Variants in RYR2 observed in about 807,000 individuals in gnomAD.
RYR2 encodes the protein cardiac muscle ryanodine receptor-calcium release channel.
RYR2 carries 227 observed loss-of-function variants against 601.1 expected under a neutral mutation model. That is an observed-to-expected ratio of 0.38 (90% CI 0.34 to 0.42). The LOEUF (loss-of-function observed/expected upper bound fraction) is 0.42. RYR2 is among the 10% of genes least tolerant of loss of function. The pLI is 1.00. For missense variants in RYR2, 4,646 were observed against 6,156.5 expected, an observed-to-expected ratio of 0.75 and a Z score of 8.21; for synonymous variants, 2,223 against 2,175.1, an observed-to-expected ratio of 1.02 and a Z score of -0.61.
chr1:237,819,053 G>A lies in RYR2; in HGVS notation c.14451G>A (p.Met4817Ile). The A allele has an allele frequency of 6.2e-7, 1 of 1,613,800 alleles. No homozygotes were observed. The highest frequency in any genetic ancestry group is 8.5e-7 in the Non-Finnish European group (1 of 1,179,768). Residue 4817 changes from methionine (M) to isoleucine (I), a missense_variant, in exon 101 of 105, where the codon ATG (methionine) becomes ATA (isoleucine). Around this residue, in one of 17 missense-constraint regions of RYR2, gnomAD observed 55 missense variants for 204.7 expected, o/e 0.27. Coordinates refer to ENST00000366574, the MANE Select transcript of RYR2 (RefSeq NM_001035.3). The surrounding 1 kb of genome is among the most constrained non-coding windows in gnomAD (Gnocchi z 4.0). Reference protein sequence around the residue: ...DDMLTCYMFHMYVGVRAGGGI... With the variant: ...DDMLTCYMFHIYVGVRAGGGI... The stretch of plus-strand genomic sequence containing the variant: ...TTTTCCAGTGCTATATGTTCCACAT[G>A]TATGTTGGAGTTCGTGCTGGAGGAG...
chr1:237,208,976 A>ATGTATG lies in RYR2; in HGVS notation c.49-61520_49-61519insGTATGT, dbSNP rs1558428313. Among the ~76,000 whole-genome samples, 20 of 95,434 alleles carry ATGTATG rather than the reference A, an allele frequency of 2.1e-4. 1 individual carries two copies. Among genetic ancestry groups the ATGTATG allele is most frequent in the African/African-American group, 7.1e-4 (18 of 25,336 alleles). 62.6% of individuals were successfully genotyped at this position (95,434 alleles called of 152,430 possible). A position where few individuals can be genotyped will look rare whatever the true frequency, so the allele number is the denominator to read the frequency against. ...TATATATATATATATATATATATAT[A>ATGTATG]TATATATATGTATACTGTAATTGAA... On this transcript the variant is annotated intron_variant, in intron 1 of 104. Coordinates refer to ENST00000366574, the MANE Select transcript of RYR2 (RefSeq NM_001035.3).
Position 237,832,909 on chromosome 1 carries a change from T to C in RYR2, c.*262T>C. The stretch of plus-strand genomic sequence containing the variant: ...CTGGAAAGAAAACCATTCTGGACAC[T>C]GTCATAACACACATAGATAGATTTT... On this transcript the variant is annotated 3_prime_UTR_variant, in exon 105 of 105. Transcript: ENST00000366574. 1 of 328,930 alleles carries C rather than the reference T, an allele frequency of 3.0e-6. No individual in the cohort carries two copies. The highest frequency in any genetic ancestry group is 5.5e-5 in the East Asian group (1 of 18,190). 20.4% of individuals were successfully genotyped at this position (328,930 alleles called of 1,614,324 possible).
chr1:237,539,956 T>A (rs2257106), intron 25 of RYR2, among the ~76,000 whole-genome samples: 1 of 151,974 alleles, frequency 6.6e-6, no homozygotes, highest in Non-Finnish European at 1.5e-5. Flanking sequence ...ATAATAGACA[T>A]AATTTAATGG....
chr1:237,701,766 G>A (rs1226895579), intron 65 of RYR2, among the ~76,000 whole-genome samples: 4 of 151,886 alleles, frequency 2.6e-5, no homozygotes, highest in African/African-American at 9.7e-5. Context: ...TTATAAGTGA[G>A]GACATGTGAT....
intron 1 of RYR2, among the ~76,000 whole-genome samples, chr1:237,220,904 C>G (rs1402178470): frequency 6.6e-6 from 1 of 152,108 alleles, no homozygotes; most frequent in Non-Finnish European, 1.5e-5. Context: ...GCCTGGCCAA[C>G]ATGGTGAAAC....
At chr1:237,679,654 C>T (rs1044678746) in intron 61 of RYR2, among the ~76,000 whole-genome samples, 1 of 152,092 alleles carries the variant, frequency 6.6e-6, no homozygotes, top group African/African-American at 2.4e-5. Context: ...CTCATAGGCT[C>T]CTGGAAAGAG....
rs114567227 is a variant in RYR2 at position 237,070,214 on chromosome 1, T to C, written c.48+27645T>C. The stretch of plus-strand genomic sequence containing the variant: ...CCTGGACTGTGTTTAACTTTTTACC[T>C]TTCTATTTTTTATGATTTTTTCTTG... On this transcript the variant is annotated intron_variant, in intron 1 of 104. Transcript: ENST00000366574. Among the ~76,000 whole-genome samples the C allele has an allele frequency of 6.5e-3, 986 of 152,016 alleles. 6 individuals carry two copies. The highest frequency in any genetic ancestry group is 0.023 in the African/African-American group (937 of 41,466).
rs114378732 is a variant in RYR2 at position 237,218,759 on chromosome 1, C to T, written c.49-51738C>T. Reference sequence around the variant, plus strand: ...TTTTCACCTCTGGTTTAGGGTTGGGCTCCCCTCATACAGTCAAGGTCCAGT... The same window carrying T: ...TTTTCACCTCTGGTTTAGGGTTGGGTTCCCCTCATACAGTCAAGGTCCAGT... On this transcript the variant is annotated intron_variant, in intron 1 of 104. Coordinates refer to ENST00000366574, the MANE Select transcript of RYR2 (RefSeq NM_001035.3). Among the ~76,000 whole-genome samples the T allele has an allele frequency of 4.0e-3, 613 of 152,188 alleles. 3 individuals carry two copies. The highest frequency in any genetic ancestry group is 0.014 in the African/African-American group (573 of 41,526).
At chr1:237,302,510 A>G (rs1265253877) in intron 2 of RYR2, among the ~76,000 whole-genome samples, 1 of 152,206 alleles carries the variant, frequency 6.6e-6, no homozygotes, top group Non-Finnish European at 1.5e-5. Flanking sequence ...TTCCTAGAAT[A>G]GGTTAGTTGT....
At chr1:237,243,570 G>A (rs1344592760) in intron 1 of RYR2, among the ~76,000 whole-genome samples, 3 of 152,120 alleles carry the variant, frequency 2.0e-5, no homozygotes, top group Non-Finnish European at 2.9e-5. Context: ...CTCAAACCAG[G>A]ACTCTTGGGT....
intron 51 of RYR2, among the ~76,000 whole-genome samples, chr1:237,653,339 TA>T (rs1358189371): frequency 1.3e-5 from 2 of 152,192 alleles, no homozygotes; most frequent in African/African-American, 4.8e-5. Flanking sequence ...ATAGTTCCTT[TA>T]TTGTGCTTCT....
At position 237,696,566 on chromosome 1, in the gene RYR2, C is replaced by G. The variant is rs909154040; in HGVS notation, c.9068-2399C>G. On this transcript the variant is annotated intron_variant, in intron 63 of 104. Transcript: ENST00000366574. ...TTTTTTTTTTTTTTCAATCAATTGC[C>G]TATTCTACATCTTTACCCGAATTAC... 6.1e-5 allele frequency among the ~76,000 whole-genome samples: 9 copies of G among 148,102 alleles called. 1 individual carries two copies. In the East Asian group the frequency reaches 1.8e-3, roughly 29 times the overall value.
chr1:237,590,704 G>C lies in RYR2; in HGVS notation c.3872G>C (p.Gly1291Ala). ...PCLKVTQKSFGSQNSNTDIMF... is the reference protein window; with the variant it reads ...PCLKVTQKSFASQNSNTDIMF... ...TTAAAGGTCACTCAGAAGTCTTTTG[G>C]TTCTCAGAACAGCAACACTGATATC... Residue 1291 changes from glycine to alanine, a missense_variant, in exon 31 of 105, where the codon GGT (glycine) becomes GCT (alanine). Transcript: ENST00000366574. 1 of 1,598,688 alleles carries C rather than the reference G, an allele frequency of 6.3e-7. No individual in the cohort carries two copies. Among genetic ancestry groups the C allele is most frequent in the Non-Finnish European group, 8.5e-7 (1 of 1,170,332 alleles).
At chr1:237,148,520 AAAAAAAAAT>A (rs1236693362) in intron 1 of RYR2, among the ~76,000 whole-genome samples, 2 of 40,932 alleles carry the variant, frequency 4.9e-5, no homozygotes, top group South Asian at 1.5e-3. Flanking sequence ...TCAAGTAAAA[AAAAAAAAAT>A]ATATATATAT....
In RYR2 at chr1:237,798,776, TCACA is replaced by T. The variant is rs72164792; in HGVS notation, c.14090+629_14090+632del. ...AGTTGAATGCACCTGAATTTAAATG[TCACA>T]CACACACACACACACACACACATAT... is the stretch of plus-strand genomic sequence containing the variant. On this transcript the variant is annotated intron_variant, in intron 97 of 104. Transcript: ENST00000366574. 3.1e-3 allele frequency among the ~76,000 whole-genome samples: 414 copies of T among 135,310 alleles called. 1 individual carries two copies. The highest frequency in any genetic ancestry group is 6.0e-3 in the African/African-American group (230 of 38,034). 88.8% of individuals were successfully genotyped at this position (135,310 alleles called of 152,430 possible). A position where few individuals can be genotyped will look rare whatever the true frequency, so the allele number is the denominator to read the frequency against.
chr1:237,579,908 A>G (rs539441329), intron 29 of RYR2, among the ~76,000 whole-genome samples: 107 of 152,306 alleles, frequency 7.0e-4, no homozygotes, highest in African/African-American at 2.6e-3. Flanking sequence ...ACCAGCAACA[A>G]TAAAGTTGGA....
intron 1 of RYR2, among the ~76,000 whole-genome samples, chr1:237,133,206 G>A (rs908909932): frequency 2.0e-5 from 3 of 152,096 alleles, no homozygotes; most frequent in African/African-American, 7.2e-5. Flanking sequence ...GGGCTGTGGG[G>A]GCTGTACTTA....
chr1:237,573,781 C>T (rs1208185579), intron 29 of RYR2, among the ~76,000 whole-genome samples: 2 of 151,538 alleles, frequency 1.3e-5, no homozygotes, highest in African/African-American at 4.8e-5. Flanking sequence ...CACCTCACTC[C>T]AGCCTGGTGA....
At chr1:237,270,357 GGTT>G in intron 1 of RYR2, 137 bp from the exon 2 acceptor site, 3 of 1,215,430 alleles carry the variant, frequency 2.5e-6, no homozygotes, top group Non-Finnish European at 3.5e-6. Flanking sequence ...GGTTTCTTTT[GGTT>G]GTTTTTTTGA....
Sources: allele counts gnomAD v4.1 joint callset (sites outside exome capture counted in the v4.1 genomes callset), GRCh38; gene constraint gnomAD v4.1.1; regional missense constraint gnomAD v4.1.1; non-coding constraint Gnocchi (gnomAD v3.1); transcripts MANE v1.5; gene names NCBI Gene and HGNC (gene_info 2026-07-23, HGNC 2026-07-21).